ANKRD18A: variants seen among roughly 807,000 people sequenced by gnomAD.
ANKRD18A encodes the protein ankyrin repeat domain 18A, also known as ankyrin repeat domain-containing protein 18A.
A neutral mutation model predicts 110.6 loss-of-function variants in ANKRD18A; 72 were observed. That is an observed-to-expected ratio of 0.65 (90% confidence interval 0.54 to 0.79). The LOEUF (loss-of-function observed/expected upper bound fraction) is 0.79. Ranked by LOEUF, ANKRD18A falls within the 30% of genes least tolerant of loss-of-function variation. ANKRD18A has a pLI of 0.00. For missense variants in ANKRD18A, 934 were observed against 1,163.3 expected (o/e 0.80, Z 2.87); for synonymous variants, 305 against 410.3 (o/e 0.74, Z 3.10).
At chr9:38,613,285 A>T (rs145702314) in intron 3 of ANKRD18A, among the ~76,000 whole-genome samples, 20,507 of 149,234 alleles carry the variant, frequency 0.14, 1,527 homozygotes, top group African/African-American at 0.25. Flanking sequence ...TGAGGTCCAG[A>T]CTTCTGCATG....
At chr9:38,580,397 GC>G (rs1182405418) in intron 12 of ANKRD18A, among the ~76,000 whole-genome samples, 1 of 152,124 alleles carries the variant, frequency 6.6e-6, no homozygotes, top group African/African-American at 2.4e-5. Context: ...GTTGCCCAGA[GC>G]CCAGACTACA....
At chr9:38,591,900 C>T (rs549206680) in intron 10 of ANKRD18A, among the ~76,000 whole-genome samples, 14 of 152,322 alleles carry the variant, frequency 9.2e-5, no homozygotes, top group African/African-American at 3.4e-4. Flanking sequence ...AATCAGTTCC[C>T]TCCCAGCAGC....
intron 6 of ANKRD18A, among the ~76,000 whole-genome samples, chr9:38,607,141 C>T (rs1215840214): frequency 6.6e-6 from 1 of 152,190 alleles, no homozygotes. Flanking sequence ...ACTGCAACCT[C>T]CACTTCCCGG....
intron 7 of ANKRD18A, 118 bp downstream of exon 7, chr9:38,603,041 T>C: frequency 7.3e-7 from 1 of 1,375,520 alleles, no homozygotes; most frequent in South Asian, 1.5e-5. Flanking sequence ...AACCTTGTAA[T>C]AGACTGATGT....
At chr9:38,595,329 T>C (rs1462765008) in intron 9 of ANKRD18A, among the ~76,000 whole-genome samples, 157 bp downstream of exon 9, 3 of 152,188 alleles carry the variant, frequency 2.0e-5, no homozygotes, top group Non-Finnish European at 4.4e-5. Context: ...TCTGTCCCTA[T>C]AGATGTATTT....
Position 38,605,845 on chromosome 9 carries a change from C to T in ANKRD18A, c.808+1581G>A, listed in dbSNP as rs760410102. ...GTCAGGCTGGTCTCAAACTCCTGAC[C>T]TCAAGTGATCTGCCTTCCTTGGTCT... On this transcript the variant is annotated intron_variant, in intron 6 of 15. Coordinates refer to ENST00000399703, the MANE Select transcript of ANKRD18A (RefSeq NM_147195.4). Among the ~76,000 whole-genome samples, 300 of 152,108 alleles carry T rather than the reference C, an allele frequency of 2.0e-3. 1 individual carries two copies. Among genetic ancestry groups the T allele is most frequent in the Non-Finnish European group, 3.8e-3 (259 of 68,020 alleles).
At chr9:38,606,116 A>T (rs1825343409) in intron 6 of ANKRD18A, among the ~76,000 whole-genome samples, 1 of 152,218 alleles carries the variant, frequency 6.6e-6, no homozygotes, top group African/African-American at 2.4e-5. Context: ...TGTCTTCTGC[A>T]TTCAGTAGCT....
At chr9:38,610,636 T>C (rs537453196) in intron 4 of ANKRD18A, among the ~76,000 whole-genome samples, 57 of 152,308 alleles carry the variant, frequency 3.7e-4, no homozygotes, top group East Asian at 2.7e-3. Context: ...TCGTGTCCCA[T>C]TGGGACATGA....
intron 10 of ANKRD18A, among the ~76,000 whole-genome samples, chr9:38,592,140 G>T (rs4878830): frequency 0.25 from 38,272 of 152,076 alleles, 5,244 homozygotes; most frequent in East Asian, 0.44. Flanking sequence ...AGACTAATTG[G>T]TTTTAATTTC....
chr9:38,577,128 G>C lies in ANKRD18A; in HGVS notation c.2666C>G (p.Thr889Ser). The C allele has an allele frequency of 6.5e-7, 1 of 1,549,610 alleles. No individual in the cohort carries two copies. The change falls in exon 14 of 16, where the codon ACT (threonine) becomes AGT (serine). Residue 889 changes from threonine to serine, a missense_variant. Thr to Ser is a moderately conservative substitution (Grantham distance 58). Coordinates refer to ENST00000399703, the MANE Select transcript of ANKRD18A (RefSeq NM_147195.4). ...KMKTAYEEVT[T>S]ELEEFKEAFA... ...GGCTTCCTTAAATTCTTCTAATTCA[G>C]TTGTAACCTCTTCATAAGCAGTTTT...
chr9:38,574,808 G>T (rs879443822), intron 15 of ANKRD18A, among the ~76,000 whole-genome samples: 1 of 152,040 alleles, frequency 6.6e-6, no homozygotes, highest in Non-Finnish European at 1.5e-5. Context: ...CTTTAAAAGT[G>T]GTATGGGCTG....
chr9:38,606,811 G>T (rs1825379365), intron 6 of ANKRD18A, among the ~76,000 whole-genome samples: 1 of 152,056 alleles, frequency 6.6e-6, no homozygotes, highest in South Asian at 2.1e-4. Context: ...TGTAATTATG[G>T]AGGAAATTGC....
At chr9:38,617,335 G>T (rs1443163952) in intron 1 of ANKRD18A, among the ~76,000 whole-genome samples, 3 of 152,136 alleles carry the variant, frequency 2.0e-5, no homozygotes, top group Non-Finnish European at 4.4e-5. Flanking sequence ...AGCTACTCGG[G>T]AGGCTGAGGC....
chr9:38,611,466 T>A (rs538319379), intron 3 of ANKRD18A, 145 bp from the exon 4 acceptor site: 15 of 1,424,722 alleles, frequency 1.1e-5, no homozygotes, highest in Middle Eastern at 4.6e-4. Context: ...TTCACTCCTC[T>A]GTGCTTTCCC....
At chr9:38,575,418 T>C (rs1823838411) in intron 15 of ANKRD18A, 58 bp downstream of exon 15, 4 of 1,447,040 alleles carry the variant, frequency 2.8e-6, no homozygotes, top group Non-Finnish European at 3.7e-6. Context: ...CATCAAATTA[T>C]AGACAAGAAT....
chr9:38,607,530 T>G, intron 5 of ANKRD18A, 37 bp from the exon 6 acceptor site: 3 of 1,310,260 alleles, frequency 2.3e-6, no homozygotes, highest in Non-Finnish European at 3.0e-6. Flanking sequence ...AGTATTTTAA[T>G]AGTGATATGA....
chr9:38,606,407 G>T (rs950781961), intron 6 of ANKRD18A, among the ~76,000 whole-genome samples: 1 of 152,192 alleles, frequency 6.6e-6, no homozygotes, highest in African/African-American at 2.4e-5. Context: ...TCAACCTGAA[G>T]ATGATAAAGA....
chr9:38,578,723 A>C lies in ANKRD18A; in HGVS notation c.2248-575T>G, dbSNP rs182522965. ...GAGACCCCCATCTCTACAAAAAAAC[A>C]AATTTAAAAAATTAGCCAGGCATGG... is the stretch of plus-strand genomic sequence containing the variant. On this transcript the variant is annotated intron_variant, in intron 12 of 15. Coordinates refer to ENST00000399703, the MANE Select transcript of ANKRD18A (RefSeq NM_147195.4). 7.2e-4 allele frequency among the ~76,000 whole-genome samples: 109 copies of C among 152,262 alleles called. 1 individual carries two copies. The highest frequency in any genetic ancestry group is 2.6e-3 in the African/African-American group (109 of 41,548).
chr9:38,610,553 G>A (rs1825570974), intron 4 of ANKRD18A, 143 bp from the exon 5 acceptor site: 2 of 1,201,556 alleles, frequency 1.7e-6, no homozygotes, highest in South Asian at 1.8e-5. Flanking sequence ...ATGTGTATAA[G>A]CATCTTGGGT....
Sources: allele counts gnomAD v4.1 joint callset (sites outside exome capture counted in the v4.1 genomes callset), GRCh38; gene constraint gnomAD v4.1.1; transcripts MANE v1.5; gene names NCBI Gene and HGNC (gene_info 2026-07-23, HGNC 2026-07-21).